Variants in PHC3 observed in about 807,000 individuals in gnomAD.
PHC3 encodes polyhomeotic homolog 3.
A neutral mutation model predicts 107.4 loss-of-function variants in PHC3; 13 were observed. That is an observed-to-expected ratio of 0.12 (90% CI 0.08 to 0.19). PHC3 has a LOEUF of 0.19. PHC3 is among the 10% of genes least tolerant of loss of function. The pLI is 1.00. For missense variants in PHC3, 992 were observed against 1,210.9 expected (o/e 0.82, Z 2.68); for synonymous variants, 456 against 427.4 (o/e 1.07, Z -0.83).
At chr3:170,172,805 T>G in intron 2 of PHC3, 93 bp from the exon 3 acceptor site, 1 of 1,286,254 alleles carries the variant, frequency 7.8e-7, no homozygotes, top group South Asian at 1.4e-5. Context: ...AGTTTAAAAT[T>G]TCACTGCTTT....
chr3:170,156,718 C>T (rs1406903968), intron 4 of PHC3, among the ~76,000 whole-genome samples: 1 of 152,098 alleles, frequency 6.6e-6, no homozygotes, highest in Non-Finnish European at 1.5e-5. Flanking sequence ...CTGCCTCAGC[C>T]TCCTGAGTAG....
chr3:170,088,997 C>T lies in PHC3; in HGVS notation c.*8233G>A, dbSNP rs1232712016. The T allele has an allele frequency of 6.6e-6, 1 of 152,152 alleles. No individual in the cohort carries two copies. The highest frequency in any genetic ancestry group is 6.5e-5 in the Admixed American group (1 of 15,270). 9.4% of individuals were successfully genotyped at this position (152,152 alleles called of 1,614,324 possible). ...CCTGGCCAACATGGTGAAACCCCAT[C>T]TCTACTAAAAATACAAAAAACTGGC... On this transcript the variant is annotated 3_prime_UTR_variant, in exon 15 of 15. Transcript: ENST00000495893.
chr3:170,136,654 T>TA lies in PHC3; in HGVS notation c.683dup (p.Leu228PhefsTer13). ...CACCCAACTTCTGGCTGCGTAATGT[T>TA]AAATTCTGAACCTAAGAACCACATA... On this transcript the variant is annotated frameshift_variant, in exon 7 of 15. Coordinates refer to ENST00000495893, the MANE Select transcript of PHC3 (RefSeq NM_024947.4). LOFTEE classifies it high-confidence loss of function. The TA allele has an allele frequency of 6.2e-7, 1 of 1,613,296 alleles. No individual in the cohort carries two copies. Among genetic ancestry groups the TA allele is most frequent in the South Asian group, 1.1e-5 (1 of 90,940 alleles).
At chr3:170,102,239 G>A in intron 14 of PHC3, 2 of 985,406 alleles carry the variant, frequency 2.0e-6, no homozygotes, top group Non-Finnish European at 2.4e-6. Context: ...CGGCTGAGGT[G>A]TCACAGCAGA....
Position 170,095,472 on chromosome 3 carries a change from T to C in PHC3, c.*1758A>G, listed in dbSNP as rs1196595953. ...CCGCTGTATTTTTGTATAAAAATAA[T>C]CAACATTCTCTAATGTACACAAAGC... On this transcript the variant is annotated 3_prime_UTR_variant, in exon 15 of 15. Coordinates refer to ENST00000495893, the MANE Select transcript of PHC3 (RefSeq NM_024947.4). The C allele has an allele frequency of 1.3e-5, 2 of 152,108 alleles. No individual in the cohort carries two copies. Among genetic ancestry groups the C allele is most frequent in the East Asian group, 3.8e-4 (2 of 5,202 alleles). 9.4% of individuals were successfully genotyped at this position (152,108 alleles called of 1,614,324 possible).
chr3:170,121,260 G>A (rs531557949), intron 9 of PHC3, among the ~76,000 whole-genome samples: 1 of 152,056 alleles, frequency 6.6e-6, no homozygotes, highest in African/African-American at 2.4e-5. Context: ...GATTACATGA[G>A]CCCAGGAGTT....
chr3:170,174,092 C>G (rs1313295999), intron 2 of PHC3, among the ~76,000 whole-genome samples: 2 of 152,026 alleles, frequency 1.3e-5, no homozygotes. Context: ...ACTCAGGAGG[C>G]TCAGGTGGGA....
intron 11 of PHC3, 151 bp downstream of exon 11, chr3:170,113,209 T>C: frequency 1.6e-6 from 1 of 628,850 alleles, no homozygotes; most frequent in South Asian, 4.3e-5. Context: ...TCTGATTAGC[T>C]TTCCCATTAT....
chr3:170,155,744 G>T (rs1726788236), intron 4 of PHC3, among the ~76,000 whole-genome samples: 1 of 151,762 alleles, frequency 6.6e-6, no homozygotes, highest in Non-Finnish European at 1.5e-5. Flanking sequence ...TAAGAAAAAT[G>T]ACTGCATTGG....
chr3:170,122,106 C>T (rs1720462981), intron 9 of PHC3, among the ~76,000 whole-genome samples: 1 of 152,000 alleles, frequency 6.6e-6, no homozygotes. Flanking sequence ...AAAAATTAGC[C>T]AAGTGTGCTG....
At chr3:170,102,367 C>A in intron 14 of PHC3, 112 bp downstream of exon 14, 1 of 1,496,002 alleles carries the variant, frequency 6.7e-7, no homozygotes. Context: ...TTTATTTATA[C>A]ATATACACAG....
chr3:170,147,622 A>C (rs533576205), intron 5 of PHC3: 1 of 152,366 alleles, frequency 6.6e-6, no homozygotes, highest in East Asian at 1.9e-4. Flanking sequence ...TACTAAATAT[A>C]TGTAAAGACG....
chr3:170,144,159 A>T lies in PHC3; in HGVS notation c.672+1264T>A, dbSNP rs550613080. ...ACATGGTGAAACCCTGTTTCTACTTAAAAAAAAAAAAAAAAAGAAAAAAGA... is the reference window on the plus strand; with the variant it reads ...ACATGGTGAAACCCTGTTTCTACTTTAAAAAAAAAAAAAAAAGAAAAAAGA... On this transcript the variant is annotated intron_variant, in intron 6 of 14. Coordinates refer to ENST00000495893, the MANE Select transcript of PHC3 (RefSeq NM_024947.4). Among the ~76,000 whole-genome samples the T allele has an allele frequency of 6.0e-4, 60 of 99,982 alleles. No homozygotes were observed. The East Asian group carries it at 0.015, about 25-fold the overall frequency. The allele number at this position is 99,982 out of a possible 152,430, so 65.6% of individuals were successfully genotyped here.
chr3:170,104,413 T>C (rs16854848), intron 12 of PHC3, among the ~76,000 whole-genome samples: 21,158 of 152,122 alleles, frequency 0.14, 1,495 homozygotes, highest in African/African-American at 0.17. Context: ...TTTTTACATA[T>C]ATGAAACGCC....
At chr3:170,175,786 T>C (rs750395342) in intron 2 of PHC3, among the ~76,000 whole-genome samples, 4 of 151,260 alleles carry the variant, frequency 2.6e-5, no homozygotes, top group Middle Eastern at 3.2e-3. Flanking sequence ...TAGCTGGGTG[T>C]GGTGGCACGT....
At chr3:170,150,448 C>T (rs1011472684) in intron 4 of PHC3, among the ~76,000 whole-genome samples, 1 of 147,616 alleles carries the variant, frequency 6.8e-6, no homozygotes, top group African/African-American at 2.5e-5. Context: ...GTAATTCCAG[C>T]ACTTTGGGAG....
rs184007769 is a variant in PHC3, at chr3:170,163,335, T to C, written c.414+8038A>G. On this transcript the variant is annotated intron_variant, in intron 4 of 14. Coordinates refer to ENST00000495893, the MANE Select transcript of PHC3 (RefSeq NM_024947.4). ...AAAATATCAGGGATTCATGTAGTTA[T>C]GGGCCAAAATGCAACAAGGAAAGAG... 6.8e-4 allele frequency among the ~76,000 whole-genome samples: 104 copies of C among 152,274 alleles called. 1 individual carries two copies. The highest frequency in any genetic ancestry group is 2.4e-3 in the African/African-American group (99 of 41,560).
At chr3:170,159,231 G>T (rs1727436605) in intron 4 of PHC3, among the ~76,000 whole-genome samples, 1 of 122,874 alleles carries the variant, frequency 8.1e-6, no homozygotes, top group Non-Finnish European at 1.6e-5. Flanking sequence ...CAGCCTGGAA[G>T]ACAGAGCGAG....
intron 4 of PHC3, among the ~76,000 whole-genome samples, chr3:170,165,330 C>T (rs1728545244): frequency 6.6e-6 from 1 of 152,124 alleles, no homozygotes; most frequent in Admixed American, 6.5e-5. Flanking sequence ...ACCAGTCACA[C>T]AACATAATAC....
Sources: gnomAD v4.1 joint callset for allele counts (sites outside exome capture counted in the v4.1 genomes callset) on GRCh38, gnomAD v4.1.1 for gene constraint, MANE v1.5 for transcripts, NCBI Gene and HGNC (gene_info 2026-07-23, HGNC 2026-07-21) for gene names.